The following SNX7 variants were observed in gnomAD, a reference collection of about 807,000 sequenced individuals.
SNX7 encodes the protein sorting nexin-7.
A neutral mutation model predicts 48.4 loss-of-function variants in SNX7; 35 were observed. That is an observed-to-expected ratio of 0.72 (90% CI 0.55 to 0.96). The LOEUF (loss-of-function observed/expected upper bound fraction) is 0.96. SNX7 is among the 40% of genes least tolerant of loss of function. The pLI is 0.00. For missense variants in SNX7, 553 were observed against 548.9 expected (o/e 1.01, Z -0.07); for synonymous variants, 190 against 190.2 (o/e 1.00, Z 0.01).
chr1:98,689,509 T>C (rs1650994302), intron 2 of SNX7, among the ~76,000 whole-genome samples: 1 of 152,212 alleles, frequency 6.6e-6, no homozygotes. Flanking sequence ...TTTTATATCT[T>C]CTTACTGGAA....
intron 6 of SNX7, among the ~76,000 whole-genome samples, chr1:98,699,401 A>C (rs2100971817): frequency 6.6e-6 from 1 of 152,292 alleles, no homozygotes; most frequent in East Asian, 1.9e-4. Flanking sequence ...CTACTTGAAA[A>C]GGCTTTTATT....
intron 1 of SNX7, among the ~76,000 whole-genome samples, chr1:98,683,250 C>G (rs760193075): frequency 2.8e-4 from 43 of 151,940 alleles, no homozygotes; most frequent in Admixed American, 2.6e-4. Flanking sequence ...GATCCTACAC[C>G]AAATAATAAA....
chr1:98,694,595 G>GGTTTTTT (rs1557802551), intron 4 of SNX7, among the ~76,000 whole-genome samples: 1 of 71,186 alleles, frequency 1.4e-5, no homozygotes, highest in Non-Finnish European at 2.8e-5. Flanking sequence ...ATTGCTCTGG[G>GGTTTTTT]ATTTTTTTTT....
chr1:98,716,853 ATATACT>A (rs911209713), intron 7 of SNX7, among the ~76,000 whole-genome samples: 3 of 152,108 alleles, frequency 2.0e-5, no homozygotes, highest in East Asian at 1.9e-4. Context: ...TCTTTAAAAA[ATATACT>A]TAGATTTCAT....
chr1:98,732,623 T>C (rs796761617), intron 7 of SNX7, among the ~76,000 whole-genome samples: 5 of 152,204 alleles, frequency 3.3e-5, no homozygotes, highest in African/African-American at 1.2e-4. Flanking sequence ...GCATAGTGAA[T>C]TGGGGTTCAG....
chr1:98,723,724 G>T (rs1653013258), intron 7 of SNX7, among the ~76,000 whole-genome samples: 1 of 151,976 alleles, frequency 6.6e-6, no homozygotes, highest in African/African-American at 2.4e-5. Context: ...GGGTGTAGTG[G>T]TGCATGCCCG....
intron 7 of SNX7, among the ~76,000 whole-genome samples, chr1:98,719,791 T>G (rs1444446480): frequency 6.6e-6 from 1 of 150,782 alleles, no homozygotes; most frequent in Non-Finnish European, 1.5e-5. Flanking sequence ...ATTTTTGAGT[T>G]TCCTTTTTTA....
chr1:98,673,419 G>A (rs1465680941), intron 1 of SNX7, among the ~76,000 whole-genome samples: 1 of 152,118 alleles, frequency 6.6e-6, no homozygotes, highest in Admixed American at 6.6e-5. Flanking sequence ...GCTCCCTGCA[G>A]CCCCTTTATT....
chr1:98,684,768 C>G, intron 1 of SNX7, 117 bp from the exon 2 acceptor site: 1 of 715,492 alleles, frequency 1.4e-6, no homozygotes, highest in Non-Finnish European at 2.1e-6. Context: ...CCACATTTAA[C>G]TAAAAGTCCA....
intron 7 of SNX7, among the ~76,000 whole-genome samples, chr1:98,721,017 C>A (rs12024020): frequency 0.55 from 84,055 of 151,764 alleles, 24,285 homozygotes; most frequent in Non-Finnish European, 0.64. Flanking sequence ...ATCACATACT[C>A]CATCAAATAA....
intron 1 of SNX7, among the ~76,000 whole-genome samples, chr1:98,663,173 T>C (rs557675142): frequency 6.6e-6 from 1 of 151,620 alleles, no homozygotes; most frequent in African/African-American, 2.4e-5. Flanking sequence ...AATATTAGTC[T>C]ATGGTTATGC....
intron 8 of SNX7, among the ~76,000 whole-genome samples, chr1:98,756,662 A>G (rs953548130): frequency 9.2e-5 from 14 of 151,642 alleles, no homozygotes; most frequent in African/African-American, 2.4e-5. Context: ...CACCCTCCGC[A>G]TATCTCCAGA....
At chr1:98,719,242 G>A (rs12725220) in intron 7 of SNX7, among the ~76,000 whole-genome samples, 58,706 of 151,800 alleles carry the variant, frequency 0.39, 11,744 homozygotes, top group African/African-American at 0.48. Context: ...CCCATAGGAA[G>A]GGATAAAAGA....
intron 1 of SNX7, among the ~76,000 whole-genome samples, chr1:98,678,386 G>A (rs1421766972): frequency 6.6e-6 from 1 of 152,104 alleles, no homozygotes; most frequent in African/African-American, 2.4e-5. Context: ...CCAACATTGG[G>A]GGTCACATTT....
Position 98,738,264 on chromosome 1 carries a change from G to A in SNX7, c.1153G>A (p.Asp385Asn). ...LLPEEIGKLE[D>N]KVECANNALK... ...TCCAGAGGAGATTGGAAAACTTGAA[G>A]ATAAAGTGGAATGTGCTAATAATGC... The change falls in exon 8 of 9, where the codon GAT becomes AAT. Residue 385 changes from aspartate to asparagine, a missense_variant. Asp to Asn is a conservative substitution (Grantham distance 23, BLOSUM62 1). Coordinates refer to ENST00000306121, the MANE Select transcript of SNX7 (RefSeq NM_015976.5). 1 of 1,613,198 alleles carries A rather than the reference G, an allele frequency of 6.2e-7. No homozygotes were observed. The highest frequency in any genetic ancestry group is 8.5e-7 in the Non-Finnish European group (1 of 1,179,636).
At chr1:98,672,742 G>A (rs1649937392) in intron 1 of SNX7, among the ~76,000 whole-genome samples, 1 of 150,364 alleles carries the variant, frequency 6.7e-6, no homozygotes, top group Non-Finnish European at 1.5e-5. Flanking sequence ...GGCTAACAAG[G>A]TGAAACCCCG....
chr1:98,757,081 A>C (rs1654893409), intron 8 of SNX7, among the ~76,000 whole-genome samples: 1 of 152,024 alleles, frequency 6.6e-6, no homozygotes, highest in Non-Finnish European at 1.5e-5. Flanking sequence ...CATGCCTGCT[A>C]CCACCTCACC....
intron 1 of SNX7, among the ~76,000 whole-genome samples, chr1:98,679,992 C>A (rs895276443): frequency 6.6e-6 from 1 of 152,210 alleles, no homozygotes; most frequent in Admixed American, 6.5e-5. Flanking sequence ...TGTGGGGGCT[C>A]CAACCCCACA....
intron 7 of SNX7, among the ~76,000 whole-genome samples, chr1:98,716,957 AAAATC>A (rs1434739566): frequency 6.6e-6 from 1 of 152,102 alleles, no homozygotes; most frequent in Non-Finnish European, 1.5e-5. Flanking sequence ...ATCTACTACT[AAAATC>A]AAAGCAAAAA....
Sources: allele counts gnomAD v4.1 joint callset (sites outside exome capture counted in the v4.1 genomes callset), GRCh38; gene constraint gnomAD v4.1.1; transcripts MANE v1.5; gene names NCBI Gene and HGNC (gene_info 2026-07-23, HGNC 2026-07-21).